Variants in GTF2IRD1 observed in about 807,000 individuals in gnomAD.
GTF2IRD1 encodes general transcription factor II-I repeat domain-containing protein 1.
GTF2IRD1 carries 26 observed loss-of-function variants against 113.2 expected under a neutral mutation model. The observed-to-expected ratio is 0.23, with a 90% CI of 0.17 to 0.32. The LOEUF (loss-of-function observed/expected upper bound fraction) is 0.32. Among genes scored for constraint, GTF2IRD1 ranks in the 10% least tolerant of loss-of-function variants. GTF2IRD1 has a pLI of 1.00. For missense variants in GTF2IRD1, 864 were observed against 1,280.8 expected (o/e 0.67, Z 4.97); for synonymous variants, 484 against 529.1 (o/e 0.91, Z 1.17).
rs782641846 is a variant in GTF2IRD1 at position 74,519,665 on chromosome 7, C to T, written c.862C>T (p.Arg288Trp). The T allele has an allele frequency of 6.2e-6, 10 of 1,602,982 alleles. No homozygotes were observed. The highest frequency in any genetic ancestry group is 4.5e-5 in the East Asian group (2 of 44,656). ...TGCCCCCAGCGACCTGGGCCTGAGTCGGCCCATGCCAGAGCCCAAGGCCAC... is the reference window on the plus strand; with the variant it reads ...TGCCCCCAGCGACCTGGGCCTGAGTTGGCCCATGCCAGAGCCCAAGGCCAC... ...PLAPSDLGLSRPMPEPKATGA... is the reference protein window; with the variant it reads ...PLAPSDLGLSWPMPEPKATGA... Residue 288 changes from arginine (R) to tryptophan (W), a missense_variant, in exon 6 of 27, where the codon CGG becomes TGG. Coordinates refer to ENST00000424337, the MANE Select transcript of GTF2IRD1 (RefSeq NM_005685.4).
At chr7:74,496,175 A>C (rs951642723) in intron 1 of GTF2IRD1, among the ~76,000 whole-genome samples, 2 of 151,194 alleles carry the variant, frequency 1.3e-5, no homozygotes, top group Non-Finnish European at 2.9e-5. Context: ...GTATGTGTGT[A>C]TGCATGTGAG....
intron 1 of GTF2IRD1, among the ~76,000 whole-genome samples, chr7:74,484,939 T>C (rs1258041421): frequency 2.0e-5 from 3 of 152,190 alleles, no homozygotes; most frequent in Non-Finnish European, 4.4e-5. Context: ...AACATTGCTG[T>C]AATGAGGGAT....
Position 74,489,536 on chromosome 7 carries a change from T to C in GTF2IRD1, c.-6-18539T>C, listed in dbSNP as rs1380433741. ...TTTTGTATTTTTAGTAGAGACGGGG[T>C]TTCGCCATGTTGGCCAGCCTGGTCT... On this transcript the variant is annotated intron_variant, in intron 1 of 26. Coordinates refer to ENST00000424337, the MANE Select transcript of GTF2IRD1 (RefSeq NM_005685.4). Among the ~76,000 whole-genome samples the C allele has an allele frequency of 2.6e-5, 4 of 151,950 alleles. No individual in the cohort carries two copies. In the East Asian group the frequency reaches 7.8e-4, roughly 30 times the overall value.
At chr7:74,454,619 G>A (rs2116821221) in intron 1 of GTF2IRD1, among the ~76,000 whole-genome samples, 1 of 152,084 alleles carries the variant, frequency 6.6e-6, no homozygotes, top group South Asian at 2.1e-4. Context: ...GTCTGGGCCA[G>A]CCCCTGGCCC....
In GTF2IRD1 at chr7:74,461,904, C is replaced by T. The variant is rs536756806; in HGVS notation, c.-7+7728C>T. The stretch of plus-strand genomic sequence containing the variant: ...CCACTTTATATTTTATTAAAAATAT[C>T]GTTGAGGAGTGAAGGCTATGCTATA... On this transcript the variant is annotated intron_variant, in intron 1 of 26. Transcript: ENST00000424337. Among the ~76,000 whole-genome samples the T allele has an allele frequency of 8.5e-5, 13 of 152,220 alleles. No homozygotes were observed. In the East Asian group the frequency reaches 1.5e-3, roughly 18 times the overall value.
rs186352468 is a variant in GTF2IRD1 at position 74,528,629 on chromosome 7, G to A, written c.1091-1105G>A. ...GGGGAGGGAATGAGGGATGGAGGAG[G>A]CTGTGTTAGGCTGCCAAAGTGCTAT... is the stretch of plus-strand genomic sequence containing the variant. On this transcript the variant is annotated intron_variant, in intron 8 of 26. Coordinates refer to ENST00000424337, the MANE Select transcript of GTF2IRD1 (RefSeq NM_005685.4). 7.9e-3 allele frequency among the ~76,000 whole-genome samples: 1,195 copies of A among 150,586 alleles called. 10 individuals are homozygous for A. The highest frequency in any genetic ancestry group is 0.014 in the Non-Finnish European group (927 of 67,616).
At chr7:74,594,159 A>C (rs1445333422) in intron 24 of GTF2IRD1, among the ~76,000 whole-genome samples, 2 of 151,844 alleles carry the variant, frequency 1.3e-5, no homozygotes. Context: ...AGACCATGCC[A>C]CAGCACACCA....
At chr7:74,583,371 CTTTTTTT>C (rs1168890388) in intron 22 of GTF2IRD1, among the ~76,000 whole-genome samples, 2 of 122,306 alleles carry the variant, frequency 1.6e-5, no homozygotes, top group Non-Finnish European at 3.4e-5. Flanking sequence ...CTTTTTTTTT[CTTTTTTT>C]TTTTTTTTTT....
intron 2 of GTF2IRD1, among the ~76,000 whole-genome samples, chr7:74,510,430 T>C (rs180679657): frequency 0.1 from 15,229 of 151,008 alleles, 1,892 homozygotes; most frequent in East Asian, 0.38. Context: ...CCTCAGCCTC[T>C]GGAGTAGCTG....
intron 22 of GTF2IRD1, among the ~76,000 whole-genome samples, chr7:74,567,697 G>C (rs1168623359): frequency 1.3e-5 from 2 of 152,104 alleles, no homozygotes; most frequent in Non-Finnish European, 2.9e-5. Flanking sequence ...CCACACATCG[G>C]GGGGGTCAGG....
intron 26 of GTF2IRD1, chr7:74,601,705 C>T (rs587730352): frequency 4.6e-4 from 106 of 232,200 alleles, no homozygotes; most frequent in South Asian, 3.3e-3. Flanking sequence ...TCGCTTGAAC[C>T]TGGGAGGCAG....
At chr7:74,506,114 T>C (rs1486773486) in intron 1 of GTF2IRD1, 1 of 152,282 alleles carries the variant, frequency 6.6e-6, no homozygotes, top group African/African-American at 2.4e-5. Flanking sequence ...AGCCGAGCTC[T>C]GATGCATCTC....
chr7:74,522,245 A>T (rs587753094), intron 7 of GTF2IRD1, among the ~76,000 whole-genome samples: 11 of 124,640 alleles, frequency 8.8e-5, no homozygotes, highest in African/African-American at 2.2e-4. Flanking sequence ...TGATATATTT[A>T]AAAAAAAAAA....
chr7:74,503,162 A>G (rs1796121854), intron 1 of GTF2IRD1, among the ~76,000 whole-genome samples: 1 of 134,476 alleles, frequency 7.4e-6, no homozygotes, highest in Non-Finnish European at 1.6e-5. Context: ...GTGAGACTCC[A>G]TCTCAAAAAA....
chr7:74,557,351 CTA>C (rs1696107053), intron 19 of GTF2IRD1, among the ~76,000 whole-genome samples: 1 of 152,228 alleles, frequency 6.6e-6, no homozygotes, highest in South Asian at 2.1e-4. Flanking sequence ...ACTCCGTACT[CTA>C]TGGTGTCCCT....
chr7:74,480,118 C>T (rs965167937), intron 1 of GTF2IRD1, among the ~76,000 whole-genome samples: 11 of 152,102 alleles, frequency 7.2e-5, no homozygotes, highest in African/African-American at 1.2e-4. Context: ...AACCATCACT[C>T]AGCTCAAATC....
intron 1 of GTF2IRD1, among the ~76,000 whole-genome samples, chr7:74,469,131 T>C (rs1793932017): frequency 6.6e-6 from 1 of 151,434 alleles, no homozygotes; most frequent in Admixed American, 6.6e-5. Context: ...GGATGGGTAC[T>C]TATGAGTAGG....
chr7:74,458,708 G>T (rs1366007512), intron 1 of GTF2IRD1, among the ~76,000 whole-genome samples: 5 of 150,274 alleles, frequency 3.3e-5, no homozygotes, highest in Non-Finnish European at 7.4e-5. Context: ...ACGCTGGAGT[G>T]CAGTGGCACG....
chr7:74,597,740 C>T (rs782190834), intron 25 of GTF2IRD1, among the ~76,000 whole-genome samples: 13 of 152,218 alleles, frequency 8.5e-5, no homozygotes, highest in Non-Finnish European at 1.6e-4. Flanking sequence ...GAAGCTGAGG[C>T]ACAGAGATGC....
Sources: allele counts gnomAD v4.1 joint callset (sites outside exome capture counted in the v4.1 genomes callset), GRCh38; gene constraint gnomAD v4.1.1; transcripts MANE v1.5; gene names NCBI Gene and HGNC (gene_info 2026-07-23, HGNC 2026-07-21).